The following LRP1B variants were observed in gnomAD, a reference collection of about 807,000 sequenced individuals.
LRP1B encodes low-density lipoprotein receptor-related protein 1B.
LRP1B carries 217 observed loss-of-function variants against 556.6 expected under a neutral mutation model. That is an observed-to-expected ratio of 0.39 (90% CI 0.35 to 0.44). The LOEUF (loss-of-function observed/expected upper bound fraction) is 0.44, where lower values mean the gene tolerates loss of function less well. Ranked by LOEUF, LRP1B falls within the 20% of genes least tolerant of loss-of-function variation. The probability of loss-of-function intolerance (pLI) is 1.00; values close to 1 mark genes in which losing one functional copy is unlikely to be tolerated. For missense variants in LRP1B, 5,053 were observed against 5,620.8 expected (o/e 0.90, Z 3.23); for synonymous variants, 2,047 against 1,865.8 (o/e 1.10, Z -2.50).
At chr2:140,815,107 G>A (rs1256154603) in intron 31 of LRP1B, among the ~76,000 whole-genome samples, 1 of 149,206 alleles carries the variant, frequency 6.7e-6, no homozygotes, top group Non-Finnish European at 1.5e-5. Context: ...CTCTCTCAGA[G>A]AATAAAGTGA....
chr2:142,010,320 TGAG>T (rs1702916371), intron 1 of LRP1B, among the ~76,000 whole-genome samples: 1 of 151,920 alleles, frequency 6.6e-6, no homozygotes, highest in South Asian at 2.1e-4. Context: ...TTTGGGAGGC[TGAG>T]GAGGGTGGAT....
At position 140,517,496 on chromosome 2, in the gene LRP1B, T is replaced by G. The variant is rs189161672; in HGVS notation, c.8027-485A>C. ...TTTCTGTGGCCATCTATTTGGAGTA[T>G]TCCTTAACAGGATTTAAACAATTAT... On this transcript the variant is annotated intron_variant, in intron 49 of 90. Coordinates refer to ENST00000389484, the MANE Select transcript of LRP1B (RefSeq NM_018557.3). Among the ~76,000 whole-genome samples, 325 of 152,132 alleles carry G rather than the reference T, an allele frequency of 2.1e-3. 2 individuals carry two copies. The highest frequency in any genetic ancestry group is 7.0e-3 in the South Asian group (34 of 4,828).
intron 3 of LRP1B, among the ~76,000 whole-genome samples, chr2:141,359,062 T>C (rs1688725697): frequency 6.6e-6 from 1 of 152,088 alleles, no homozygotes; most frequent in Non-Finnish European, 1.5e-5. Context: ...AATCTATGAT[T>C]ACAATCATAA....
At chr2:141,866,404 C>A (rs1158632855) in intron 1 of LRP1B, among the ~76,000 whole-genome samples, 1 of 152,092 alleles carries the variant, frequency 6.6e-6, no homozygotes, top group Admixed American at 6.5e-5. Context: ...GTAAAAATTA[C>A]TAACAAATTT....
chr2:141,259,560 C>T (rs1479817699), intron 3 of LRP1B, among the ~76,000 whole-genome samples: 2 of 152,184 alleles, frequency 1.3e-5, no homozygotes, highest in Non-Finnish European at 2.9e-5. Context: ...GCAGGGAATC[C>T]AGCAGACTTC....
At chr2:141,052,616 C>T (rs1558827410) in intron 10 of LRP1B, among the ~76,000 whole-genome samples, 1 of 151,980 alleles carries the variant, frequency 6.6e-6, no homozygotes, top group South Asian at 2.1e-4. Context: ...TATTTATTAG[C>T]AAATGTCTTA....
chr2:141,469,680 C>G (rs1486244582), intron 3 of LRP1B, among the ~76,000 whole-genome samples: 2 of 152,264 alleles, frequency 1.3e-5, no homozygotes, highest in African/African-American at 4.8e-5. Flanking sequence ...GGCTGAAAAT[C>G]TCTTATGAGC....
At chr2:141,881,043 A>G (rs1698942852) in intron 1 of LRP1B, among the ~76,000 whole-genome samples, 1 of 152,132 alleles carries the variant, frequency 6.6e-6, no homozygotes, top group African/African-American at 2.4e-5. Context: ...AAAACCGAGC[A>G]TTCTTCTTGG....
intron 6 of LRP1B, among the ~76,000 whole-genome samples, chr2:141,216,530 T>C (rs563885265): frequency 6.6e-6 from 1 of 152,196 alleles, no homozygotes; most frequent in African/African-American, 2.4e-5. Flanking sequence ...GGGGCCATTA[T>C]CCTTCATACC....
chr2:141,796,560 T>C (rs1343157540), intron 2 of LRP1B, among the ~76,000 whole-genome samples: 1 of 149,444 alleles, frequency 6.7e-6, no homozygotes, highest in East Asian at 2.0e-4. Flanking sequence ...AATCTGAACA[T>C]AGAGATAGCA....
intron 1 of LRP1B, among the ~76,000 whole-genome samples, chr2:141,831,387 T>C: frequency 6.6e-6 from 1 of 151,650 alleles, no homozygotes; most frequent in East Asian, 1.9e-4. Context: ...CTATGTTATG[T>C]CTCCATTTAA....
chr2:141,002,322 G>C (rs1329133170), intron 15 of LRP1B, among the ~76,000 whole-genome samples: 1 of 152,004 alleles, frequency 6.6e-6, no homozygotes, highest in Non-Finnish European at 1.5e-5. Context: ...GAATTTTAAA[G>C]GGAGATTTTG....
intron 2 of LRP1B, among the ~76,000 whole-genome samples, chr2:141,752,510 C>T (rs937131061): frequency 8.5e-5 from 13 of 152,098 alleles, no homozygotes; most frequent in African/African-American, 1.4e-4. Context: ...TCCTCACTAT[C>T]CACTAACTCC....
At chr2:140,982,093 G>T in intron 18 of LRP1B, 67 bp downstream of exon 18, 1 of 1,208,702 alleles carries the variant, frequency 8.3e-7, no homozygotes, top group Non-Finnish European at 1.2e-6. Flanking sequence ...CCTTTAAGGA[G>T]GGTGTAGTGG....
At chr2:142,079,506 T>C (rs897729806) in intron 1 of LRP1B, among the ~76,000 whole-genome samples, 1 of 151,946 alleles carries the variant, frequency 6.6e-6, no homozygotes, top group Non-Finnish European at 1.5e-5. Context: ...TCTCTTTTTT[T>C]TTATTTTTTT....
chr2:140,283,404 G>T (rs1454709537), intron 84 of LRP1B, among the ~76,000 whole-genome samples: 1 of 151,638 alleles, frequency 6.6e-6, no homozygotes, highest in Non-Finnish European at 1.5e-5. Context: ...AGGAAAAAAT[G>T]CCTGCAAAAC....
chr2:140,716,183 G>T, intron 36 of LRP1B, 81 bp from the exon 37 acceptor site: 12 of 1,003,618 alleles, frequency 1.2e-5, no homozygotes, highest in South Asian at 2.0e-5. Context: ...AAATTTCTGA[G>T]CATTCACATA....
chr2:140,501,412 A>G (rs1689180487), intron 55 of LRP1B, among the ~76,000 whole-genome samples: 1 of 151,958 alleles, frequency 6.6e-6, no homozygotes, highest in Admixed American at 6.6e-5. Context: ...ACATAGCAGT[A>G]TTGTCTCTGA....
At chr2:141,914,566 T>A (rs1699983413) in intron 1 of LRP1B, among the ~76,000 whole-genome samples, 3 of 152,170 alleles carry the variant, frequency 2.0e-5, no homozygotes. Flanking sequence ...TAAAACTATT[T>A]CTCTTTGCAG....
Sources: allele counts gnomAD v4.1 joint callset (sites outside exome capture counted in the v4.1 genomes callset), GRCh38; gene constraint gnomAD v4.1.1; transcripts MANE v1.5; gene names NCBI Gene and HGNC (gene_info 2026-07-23, HGNC 2026-07-21).